SEMA6D: variants seen among roughly 807,000 people sequenced by gnomAD.
The protein encoded by SEMA6D is semaphorin-6D.
SEMA6D carries 35 observed loss-of-function variants against 106.6 expected under a neutral mutation model. The observed-to-expected ratio is 0.33, with a 90% CI of 0.25 to 0.44. The LOEUF is 0.44. SEMA6D is among the 20% of genes least tolerant of loss of function. The pLI is 1.00. For missense variants in SEMA6D, 1,185 were observed against 1,345.9 expected (o/e 0.88, Z 1.87); for synonymous variants, 499 against 487.7 (o/e 1.02, Z -0.31).
chr15:47,321,805 C>A (rs1356925624), intron 1 of SEMA6D, among the ~76,000 whole-genome samples: 1 of 152,108 alleles, frequency 6.6e-6, no homozygotes, highest in Non-Finnish European at 1.5e-5. Context: ...CCATTTCAGT[C>A]CTGTTCTATT....
At chr15:47,237,993 G>A (rs1396117582) in intron 1 of SEMA6D, among the ~76,000 whole-genome samples, 5 of 152,032 alleles carry the variant, frequency 3.3e-5, no homozygotes, top group Admixed American at 1.3e-4. Context: ...ATTGTGGGAT[G>A]GTACAGTGTA....
chr15:47,252,442 A>G (rs930331068), intron 1 of SEMA6D, among the ~76,000 whole-genome samples: 5 of 152,108 alleles, frequency 3.3e-5, no homozygotes, highest in South Asian at 2.1e-4. Context: ...AAAATACACA[A>G]CACACTGTTA....
chr15:47,697,618 C>T (rs1044499792), intron 4 of SEMA6D, among the ~76,000 whole-genome samples: 4 of 152,142 alleles, frequency 2.6e-5, no homozygotes, highest in Non-Finnish European at 5.9e-5. Context: ...AACTCCAAAA[C>T]CCTTTTAGCC....
chr15:47,384,818 T>TG (rs2039765183), intron 1 of SEMA6D, among the ~76,000 whole-genome samples: 3 of 56,840 alleles, frequency 5.3e-5, no homozygotes, highest in Non-Finnish European at 8.8e-5. Flanking sequence ...ACTAAAGTTT[T>TG]TTTTTTTTTT....
chr15:47,403,880 A>G (rs1467135639), intron 1 of SEMA6D, among the ~76,000 whole-genome samples: 10 of 152,180 alleles, frequency 6.6e-5, no homozygotes, highest in Non-Finnish European at 2.9e-5. Context: ...GATTCTTGCT[A>G]TTATATACAG....
At chr15:47,596,052 T>C (rs2076530526) in intron 3 of SEMA6D, among the ~76,000 whole-genome samples, 1 of 151,992 alleles carries the variant, frequency 6.6e-6, no homozygotes, top group Admixed American at 6.6e-5. Flanking sequence ...CTAAACACCC[T>C]ATCAAAAAAA....
At chr15:47,261,837 A>G (rs1198839581) in intron 1 of SEMA6D, among the ~76,000 whole-genome samples, 1 of 152,156 alleles carries the variant, frequency 6.6e-6, no homozygotes, top group Non-Finnish European at 1.5e-5. Context: ...ATGTTGTTGT[A>G]TGCATCAGTA....
At chr15:47,280,531 G>A (rs1196396995) in intron 1 of SEMA6D, among the ~76,000 whole-genome samples, 3 of 77,442 alleles carry the variant, frequency 3.9e-5, no homozygotes, top group African/African-American at 1.0e-4. Context: ...ATTTCCTTCA[G>A]TTCTGCTCTG....
intron 1 of SEMA6D, among the ~76,000 whole-genome samples, chr15:47,282,338 T>C (rs2035163832): frequency 6.6e-6 from 1 of 152,172 alleles, no homozygotes; most frequent in African/African-American, 2.4e-5. Flanking sequence ...TTGTGTCGGC[T>C]TCTTTTGCTC....
At chr15:47,226,882 C>T (rs8034147) in intron 1 of SEMA6D, among the ~76,000 whole-genome samples, 60,822 of 151,870 alleles carry the variant, frequency 0.4, 14,531 homozygotes, top group Non-Finnish European at 0.53. Flanking sequence ...TCAGATATTA[C>T]GCCAGCTTCT....
chr15:47,231,391 T>G (rs568477748), intron 1 of SEMA6D, among the ~76,000 whole-genome samples: 2 of 152,102 alleles, frequency 1.3e-5, no homozygotes, highest in Admixed American at 6.6e-5. Context: ...CCATTCCTCT[T>G]TCTTAATCTT....
At chr15:47,410,511 C>T (rs997969497) in intron 1 of SEMA6D, among the ~76,000 whole-genome samples, 4 of 152,178 alleles carry the variant, frequency 2.6e-5, no homozygotes, top group Non-Finnish European at 5.9e-5. Flanking sequence ...CTGCTAAATT[C>T]GGTGCTCCTC....
At chr15:47,514,062 T>C (rs2044313393) in intron 3 of SEMA6D, among the ~76,000 whole-genome samples, 1 of 152,198 alleles carries the variant, frequency 6.6e-6, no homozygotes, top group Admixed American at 6.5e-5. Flanking sequence ...TCACAAGTCA[T>C]TGCTAAACGG....
chr15:47,197,645 A>G (rs1894449820), intron 1 of SEMA6D, among the ~76,000 whole-genome samples: 1 of 152,110 alleles, frequency 6.6e-6, no homozygotes, highest in African/African-American at 2.4e-5. Context: ...GGAAAAAAAA[A>G]TCCTAGCATT....
At chr15:47,423,328 A>G (rs1406686268) in intron 2 of SEMA6D, among the ~76,000 whole-genome samples, 1 of 151,908 alleles carries the variant, frequency 6.6e-6, no homozygotes, top group Non-Finnish European at 1.5e-5. Context: ...CCATTGATAA[A>G]TGATCTTCAC....
chr15:47,730,599 A>G (rs1473801253), intron 1 of SEMA6D: 10 of 1,554,508 alleles, frequency 6.4e-6, no homozygotes, highest in South Asian at 1.1e-5. Context: ...GCCCAGGCCA[A>G]CAGTCTCTGC....
At chr15:47,669,331 C>G (rs1004575795) in intron 4 of SEMA6D, among the ~76,000 whole-genome samples, 7 of 152,190 alleles carry the variant, frequency 4.6e-5, no homozygotes, top group African/African-American at 1.7e-4. Flanking sequence ...AAGTCTGTAA[C>G]TTCTTCATCA....
chr15:47,719,306 G>A (rs1354420109), intron 1 of SEMA6D, among the ~76,000 whole-genome samples: 1 of 152,154 alleles, frequency 6.6e-6, no homozygotes, highest in Admixed American at 6.5e-5. Context: ...ATCTCACAGG[G>A]AAGGCGCAGC....
chr15:47,504,033 T>C (rs2043954097), intron 3 of SEMA6D, among the ~76,000 whole-genome samples: 1 of 152,146 alleles, frequency 6.6e-6, no homozygotes, highest in South Asian at 2.1e-4. Context: ...TCAGTTTCCA[T>C]AGCAAACACA....
Sources: allele counts gnomAD v4.1 joint callset (sites outside exome capture counted in the v4.1 genomes callset), GRCh38; gene constraint gnomAD v4.1.1; transcripts MANE v1.5; gene names NCBI Gene and HGNC (gene_info 2026-07-23, HGNC 2026-07-21).